The following NF1 variants were observed in gnomAD, a reference collection of about 807,000 sequenced individuals.
The protein encoded by NF1 is neurofibromin 1, also known as neurofibromin.
A neutral mutation model predicts 325.7 loss-of-function variants in NF1; 122 were observed. The ratio of observed to expected loss-of-function variants is 0.37; its 90% CI spans 0.32 to 0.44. The LOEUF is 0.44. Ranked by LOEUF, NF1 falls within the 20% of genes least tolerant of loss-of-function variation. The pLI is 1.00. For synonymous variants in NF1, 1,091 were observed against 1,186.0 expected, an observed-to-expected ratio of 0.92 and a Z score of 1.65; for missense variants, 2,140 against 3,415.4, an observed-to-expected ratio of 0.63 and a Z score of 9.31.
intron 16 of NF1, among the ~76,000 whole-genome samples, chr17:31,224,111 T>C (rs1006690038): frequency 1.3e-5 from 2 of 152,038 alleles, no homozygotes; most frequent in African/African-American, 4.8e-5. Context: ...CAGTTGAGGG[T>C]CCTCAATCTA....
At chr17:31,214,993 C>G (rs1405353607) in intron 13 of NF1, among the ~76,000 whole-genome samples, 1 of 152,166 alleles carries the variant, frequency 6.6e-6, no homozygotes, top group Non-Finnish European at 1.5e-5. Context: ...GCCAGTTTAG[C>G]TTTTCTATCC....
At chr17:31,278,312 G>T (rs974659355) in intron 36 of NF1, 5 of 151,290 alleles carry the variant, frequency 3.3e-5, no homozygotes, top group African/African-American at 1.2e-4. Context: ...GCACTTTCTT[G>T]AGAATTTCAA....
chr17:31,318,512 G>C (rs781007135), intron 36 of NF1: 5 of 1,613,900 alleles, frequency 3.1e-6, no homozygotes, highest in African/African-American at 1.3e-5. Flanking sequence ...TGTTTTGATC[G>C]TCTGAGAGAA....
intron 36 of NF1, among the ~76,000 whole-genome samples, chr17:31,278,678 G>A (rs145455114): frequency 0.016 from 2,433 of 150,274 alleles, 80 homozygotes; most frequent in African/African-American, 0.056. Context: ...GCAGTGGCAC[G>A]ATCTCAGCTC....
At chr17:31,263,027 ATAGATAGATAGG>A (rs1341722264) in intron 35 of NF1, among the ~76,000 whole-genome samples, 19 of 79,230 alleles carry the variant, frequency 2.4e-4, no homozygotes, top group East Asian at 5.8e-4. Flanking sequence ...TATTAGATAG[ATAGATAGATAGG>A]TAGGTAGGTA....
chr17:31,271,334 C>T (rs1216940505), intron 36 of NF1, among the ~76,000 whole-genome samples: 1 of 151,446 alleles, frequency 6.6e-6, no homozygotes, highest in African/African-American at 2.4e-5. Flanking sequence ...AGAATTGGCA[C>T]CTTTTCTTAG....
intron 36 of NF1, chr17:31,317,476 A>G (rs1567891895): frequency 6.6e-6 from 1 of 151,806 alleles, no homozygotes; most frequent in Admixed American, 6.6e-5. Flanking sequence ...ACTTGTTGTT[A>G]ATGTTCCAGT....
At chr17:31,197,028 A>T (rs1436574550) in intron 8 of NF1, among the ~76,000 whole-genome samples, 1 of 151,660 alleles carries the variant, frequency 6.6e-6, no homozygotes, top group African/African-American at 2.4e-5. Context: ...GAGATTCCAT[A>T]TGAATTTTAG....
Position 31,327,662 on chromosome 17 carries a change from C to T in NF1, c.5432C>T (p.Thr1811Ile), listed in dbSNP as rs2151541340. ...ATTGCAAACCAGGGCACGCCGCTCACCTTCATGCACCAGGAGTGTGAAGCC... is the reference window on the plus strand; with the variant it reads ...ATTGCAAACCAGGGCACGCCGCTCATCTTCATGCACCAGGAGTGTGAAGCC... ...LTIANQGTPL[T>I]FMHQECEAIV... Residue 1811 changes from threonine (T) to isoleucine (I), a missense_variant, in exon 38 of 58, where the codon ACC (threonine) becomes ATC (isoleucine). By Grantham distance (89) the Thr-to-Ile change is moderately conservative. Coordinates refer to ENST00000358273, the MANE Select transcript of NF1 (RefSeq NM_001042492.3). 1 of 1,614,152 alleles carries T rather than the reference C, an allele frequency of 6.2e-7. No homozygotes were observed. Among genetic ancestry groups the T allele is most frequent in the Non-Finnish European group, 8.5e-7 (1 of 1,180,020 alleles).
chr17:31,357,449 G>A (rs916070200), intron 54 of NF1, 80 bp downstream of exon 54: 64 of 1,051,988 alleles, frequency 6.1e-5, no homozygotes, highest in Non-Finnish European at 9.5e-5. Flanking sequence ...TGCACTGGTT[G>A]CAAAGAGGGC....
rs533110479 is a variant in NF1, at chr17:31,350,210, G to A, written c.7349G>A (p.Arg2450Gln). ...TTACTTACAGTGTCTGAAGAAGTTC[G>A]AAGTCGCTGCAGCCTAAAACATAGA... ...AALLTVSEEV[R>Q]SRCSLKHRKS... The change falls in exon 50 of 58, where the codon CGA becomes CAA. Residue 2450 changes from arginine (R) to glutamine (Q), a missense_variant. Physicochemically the swap from Arg to Gln is conservative, Grantham distance 43 (BLOSUM62 1). Transcript: ENST00000358273. The A allele has an allele frequency of 1.1e-5, 17 of 1,613,940 alleles. No homozygotes were observed. The highest frequency in any genetic ancestry group is 3.3e-5 in the South Asian group (3 of 91,074).
At chr17:31,221,655 T>A (rs1354816182) in intron 14 of NF1, among the ~76,000 whole-genome samples, 195 bp from the exon 15 acceptor site, 3 of 152,196 alleles carry the variant, frequency 2.0e-5, no homozygotes, top group African/African-American at 7.2e-5. Flanking sequence ...TAAAATGATT[T>A]CATTCTGTCT....
chr17:31,313,006 TA>T (rs2068919116), intron 36 of NF1, among the ~76,000 whole-genome samples: 1 of 152,194 alleles, frequency 6.6e-6, no homozygotes, highest in Admixed American at 6.5e-5. Flanking sequence ...ATGATATTAA[TA>T]TACGCATGCA....
chr17:31,128,053 C>A (rs1915033460), intron 1 of NF1, among the ~76,000 whole-genome samples: 1 of 151,818 alleles, frequency 6.6e-6, no homozygotes, highest in Non-Finnish European at 1.5e-5. Flanking sequence ...GCCATCATCC[C>A]ACCTCAGCCT....
intron 36 of NF1, chr17:31,272,661 G>T (rs2067923799): frequency 6.6e-6 from 1 of 152,188 alleles, no homozygotes; most frequent in Non-Finnish European, 1.5e-5. Flanking sequence ...CGCAGGATTG[G>T]ATACTGCCAT....
Position 31,375,966 on chromosome 17 carries a change from T to G in NF1, c.*1811T>G, listed in dbSNP as rs2070725827. 4.3e-6 allele frequency: 1 copy of G among 233,138 alleles called. No individual in the cohort carries two copies. The highest frequency in any genetic ancestry group is 8.5e-6 in the Non-Finnish European group (1 of 117,726). The allele number at this position is 233,138 out of a possible 1,614,324, so 14.4% of individuals were successfully genotyped here. A position where few individuals can be genotyped will look rare whatever the true frequency, so the allele number is the denominator to read the frequency against. On this transcript the variant is annotated 3_prime_UTR_variant, in exon 58 of 58. Coordinates refer to ENST00000358273, the MANE Select transcript of NF1 (RefSeq NM_001042492.3). The stretch of plus-strand genomic sequence containing the variant: ...AATTGTTGGAAATACTGAAGACAGG[T>G]GCAATTTACTAAACTTTTGTTTTTA...
chr17:31,276,852 TG>T (rs1251474437), intron 36 of NF1, among the ~76,000 whole-genome samples: 1 of 152,156 alleles, frequency 6.6e-6, no homozygotes, highest in Non-Finnish European at 1.5e-5. Flanking sequence ...AATCGACCCT[TG>T]AACAACACTG....
At chr17:31,278,289 T>C (rs1429000275) in intron 36 of NF1, 1 of 152,068 alleles carries the variant, frequency 6.6e-6, no homozygotes, top group Non-Finnish European at 1.5e-5. Context: ...AGAATGATCA[T>C]AAATTTCATA....
chr17:31,322,112 C>CACACACACACACAT (rs1555627346), intron 36 of NF1, among the ~76,000 whole-genome samples: 3 of 151,772 alleles, frequency 2.0e-5, no homozygotes, highest in African/African-American at 7.3e-5. Flanking sequence ...CACACACACA[C>CACACACACACACAT]ACACACACAC....
Sources: allele counts gnomAD v4.1 joint callset (sites outside exome capture counted in the v4.1 genomes callset), GRCh38; gene constraint gnomAD v4.1.1; transcripts MANE v1.5; gene names NCBI Gene and HGNC (gene_info 2026-07-23, HGNC 2026-07-21).